Variants in URAD observed in about 807,000 individuals in gnomAD.
URAD encodes putative 2-oxo-4-hydroxy-4-carboxy-5-ureidoimidazoline decarboxylase.
In URAD, 4 loss-of-function variants were observed where a neutral mutation model predicts 4.6. The ratio of observed to expected loss-of-function variants is 0.87; its 90% CI spans 0.43 to 1.98. The LOEUF is 1.98. URAD is among the 30% of genes most tolerant of loss of function. URAD has a pLI of 0.03. For synonymous variants in URAD, 144 were observed against 118.2 expected (o/e 1.22, Z -1.41); for missense variants, 300 against 255.3 (o/e 1.18, Z -1.19).
intron 1 of URAD, among the ~76,000 whole-genome samples, chr13:27,984,886 G>A (rs1439314390): frequency 6.6e-6 from 1 of 152,172 alleles, no homozygotes; most frequent in East Asian, 1.9e-4. Flanking sequence ...GGCTGAGGCA[G>A]GAGAATCGCT....
chr13:27,981,194 C>G (rs1869867670), intron 1 of URAD, among the ~76,000 whole-genome samples: 1 of 152,130 alleles, frequency 6.6e-6, no homozygotes, highest in Non-Finnish European at 1.5e-5. Context: ...GTAAGTACAT[C>G]GGGAATGGTG....
rs563928478 is a variant in URAD, at chr13:27,978,857, C to G, written c.176-405G>C. Among the ~76,000 whole-genome samples the G allele has an allele frequency of 2.4e-3, 365 of 152,268 alleles. 4 individuals carry two copies. In the South Asian group the frequency reaches 0.04, roughly 17 times the overall value. Reference sequence around the variant, plus strand: ...ACGCGATAAGGATCCTGAGCTTTTCCTATCTTTCAAAGTCCTTTGCTCTCA... The same window carrying G: ...ACGCGATAAGGATCCTGAGCTTTTCGTATCTTTCAAAGTCCTTTGCTCTCA... On this transcript the variant is annotated intron_variant, in intron 1 of 1. Transcript: ENST00000332715.
chr13:27,978,461 A>T lies in URAD; in HGVS notation c.176-9T>A, dbSNP rs1869782457. The T allele has an allele frequency of 7.6e-7, 1 of 1,317,226 alleles. No individual in the cohort carries two copies. 81.6% of individuals were successfully genotyped at this position (1,317,226 alleles called of 1,614,324 possible). On this transcript the variant is annotated splice_polypyrimidine_tract_variant and intron_variant, in intron 1 of 1. Coordinates refer to ENST00000332715, the MANE Select transcript of URAD (RefSeq NM_001105577.2). ...CAGGATGCCCTCCTGGCCTGCGGAG[A>T]AGCACAGACACCGGCGGGAGCGCGT...
rs1870105492 is a variant in URAD at position 27,988,608 on chromosome 13, G to A, written c.30C>T (p.Asp10=). The change falls in exon 1 of 2, where the codon GAC becomes GAT. Residue 10 remains aspartate (D), a synonymous_variant. Transcript: ENST00000332715. MDIEKVNSM[D]LGEFVDVFGN... ...CAAACACATCCACGAATTCTCCAAG[G>A]TCCATGGAGTTGACCTTCTCAATGT... The A allele has an allele frequency of 6.2e-7, 1 of 1,612,574 alleles. No individual in the cohort carries two copies. Among genetic ancestry groups the A allele is most frequent in the African/African-American group, 1.3e-5 (1 of 74,920 alleles).
In URAD at chr13:27,978,037, A is replaced by T; in HGVS notation, c.*69T>A. 1.5e-6 allele frequency: 2 copies of T among 1,303,180 alleles called. No individual in the cohort carries two copies. Among genetic ancestry groups the T allele is most frequent in the Non-Finnish European group, 2.0e-6 (2 of 1,008,094 alleles). The allele number at this position is 1,303,180 out of a possible 1,614,324, so 80.7% of individuals were successfully genotyped here. A position where few individuals can be genotyped will look rare whatever the true frequency, so the allele number is the denominator to read the frequency against. ...GGCCCGAGTCCGCCTCCCGCCCAGG[A>T]CGCACAGCTCCGGGCCGTGGCCCCC... On this transcript the variant is annotated 3_prime_UTR_variant, in exon 2 of 2. Transcript: ENST00000332715.
chr13:27,979,749 T>G (rs1419500431), intron 1 of URAD, among the ~76,000 whole-genome samples: 1 of 152,204 alleles, frequency 6.6e-6, no homozygotes, highest in Non-Finnish European at 1.5e-5. Context: ...TTAAACCCCC[T>G]GTAAGGTAGA....
At chr13:27,980,200 A>G (rs1281318444) in intron 1 of URAD, among the ~76,000 whole-genome samples, 1 of 152,058 alleles carries the variant, frequency 6.6e-6, no homozygotes, top group African/African-American at 2.4e-5. Flanking sequence ...AAGTGCTGGG[A>G]TTACAGGTGT....
At chr13:27,980,112 G>A (rs1869831839) in intron 1 of URAD, among the ~76,000 whole-genome samples, 1 of 152,076 alleles carries the variant, frequency 6.6e-6, no homozygotes, top group South Asian at 2.1e-4. Flanking sequence ...CGCCCGGGAT[G>A]GAGTGCAGTG....
intron 1 of URAD, among the ~76,000 whole-genome samples, chr13:27,983,610 C>T (rs1333776120): frequency 1.3e-5 from 2 of 152,164 alleles, no homozygotes; most frequent in Non-Finnish European, 2.9e-5. Flanking sequence ...AAATTAACCT[C>T]CTAAGAAAGA....
Position 27,978,416 on chromosome 13 carries a change from G to C in URAD, c.212C>G (p.Ala71Gly). 1 of 1,383,276 alleles carries C rather than the reference G, an allele frequency of 7.2e-7. No homozygotes were observed. 85.7% of individuals were successfully genotyped at this position (1,383,276 alleles called of 1,614,324 possible). The change falls in exon 2 of 2, where the codon GCG becomes GGG. Residue 71 changes from alanine to glycine, a missense_variant. Ala to Gly is a moderately conservative substitution (Grantham distance 60, BLOSUM62 0). Coordinates refer to ENST00000332715, the MANE Select transcript of URAD (RefSeq NM_001105577.2). Reference protein sequence around the residue: ...EGILRCHPDLAGSELQRGTLT... With the variant: ...EGILRCHPDLGGSELQRGTLT... ...CGTGCCCCGCTGCAGCTCGCTGCCCGCCAGGTCCGGGTGGCAGCGCAGGAT... is the reference window on the plus strand; with the variant it reads ...CGTGCCCCGCTGCAGCTCGCTGCCCCCCAGGTCCGGGTGGCAGCGCAGGAT...
intron 1 of URAD, among the ~76,000 whole-genome samples, chr13:27,982,990 C>T (rs534776022): frequency 6.6e-6 from 1 of 152,280 alleles, no homozygotes; most frequent in East Asian, 1.9e-4. Flanking sequence ...ACTGCAGTGG[C>T]CCCTCGACCT....
At chr13:27,980,317 G>C (rs1469351232) in intron 1 of URAD, among the ~76,000 whole-genome samples, 1 of 147,862 alleles carries the variant, frequency 6.8e-6, no homozygotes, top group South Asian at 2.1e-4. Flanking sequence ...CCCGCGTCCA[G>C]CTCCGTCAGG....
At chr13:27,978,500 C>T in intron 1 of URAD, 48 bp from the exon 2 acceptor site, 1 of 1,253,960 alleles carries the variant, frequency 8.0e-7, no homozygotes. Context: ...CCGCGCCCGT[C>T]CCGCACCGCG....
intron 1 of URAD, among the ~76,000 whole-genome samples, chr13:27,978,727 G>A (rs1593189899): frequency 6.6e-6 from 1 of 151,872 alleles, no homozygotes; most frequent in Non-Finnish European, 1.5e-5. Flanking sequence ...GGCGGGGCGG[G>A]AAGTGACACG....
In URAD at chr13:27,983,815, A is replaced by AGT. The variant is rs1476635531; in HGVS notation, c.175+4646_175+4647dup. On this transcript the variant is annotated intron_variant, in intron 1 of 1. Transcript: ENST00000332715. ...AATCCCTGGGGCACAGTGGGCACTC[A>AGT]GTGAATATTTTTTGACCAACACAGC... Among the ~76,000 whole-genome samples, 5 of 152,272 alleles carry AGT rather than the reference A, an allele frequency of 3.3e-5. No homozygotes were observed. The East Asian group carries it at 9.6e-4, about 29-fold the overall frequency.
At position 27,978,043 on chromosome 13, in the gene URAD, A is replaced by T. The variant is rs1869758495; in HGVS notation, c.*63T>A. On this transcript the variant is annotated 3_prime_UTR_variant, in exon 2 of 2. Coordinates refer to ENST00000332715, the MANE Select transcript of URAD (RefSeq NM_001105577.2). ...AGTCCGCCTCCCGCCCAGGACGCAC[A>T]GCTCCGGGCCGTGGCCCCCGCGCGT... The T allele has an allele frequency of 1.5e-6, 2 of 1,335,390 alleles. No homozygotes were observed. The highest frequency in any genetic ancestry group is 3.3e-5 in the South Asian group (2 of 60,152). 82.7% of individuals were successfully genotyped at this position (1,335,390 alleles called of 1,614,324 possible).
Position 27,978,288 on chromosome 13 carries a change from G to T in URAD, c.340C>A (p.Arg114Ser), listed in dbSNP as rs9579139. The change falls in exon 2 of 2, where the codon CGC (arginine) becomes AGC (serine). Residue 114 changes from arginine (R) to serine (S), a missense_variant. Coordinates refer to ENST00000332715, the MANE Select transcript of URAD (RefSeq NM_001105577.2). ...LAELNAQYRA[R>S]FGFPFVLAAR... is the part of the protein sequence containing the mutation. ...GCGAGCACGAAGGGGAAACCGAAGCGCGCGCGGTACTGCGCGTTGAGCTCG... is the reference window on the plus strand; with the variant it reads ...GCGAGCACGAAGGGGAAACCGAAGCTCGCGCGGTACTGCGCGTTGAGCTCG... 0.3 allele frequency: 424,362 copies of T among 1,414,000 alleles called. 67,330 individuals are homozygous for T. The highest frequency in any genetic ancestry group is 0.36 in the Admixed American group (11,005 of 30,644). 87.6% of individuals were successfully genotyped at this position (1,414,000 alleles called of 1,614,324 possible).
intron 1 of URAD, among the ~76,000 whole-genome samples, chr13:27,984,994 CA>C (rs952987714): frequency 1.3e-5 from 2 of 152,012 alleles, no homozygotes; most frequent in African/African-American, 4.8e-5. Flanking sequence ...AACAAACAAA[CA>C]AAAGCAATTT....
intron 1 of URAD, among the ~76,000 whole-genome samples, chr13:27,986,546 GAC>G (rs1378501711): frequency 1.3e-5 from 2 of 152,128 alleles, no homozygotes; most frequent in African/African-American, 4.8e-5. Flanking sequence ...CAAAGTTCCA[GAC>G]ACAGAGTAAG....
Sources: allele counts gnomAD v4.1 joint callset (sites outside exome capture counted in the v4.1 genomes callset), GRCh38; gene constraint gnomAD v4.1.1; transcripts MANE v1.5; gene names NCBI Gene and HGNC (gene_info 2026-07-23, HGNC 2026-07-21).